SERHL2: variants seen among roughly 807,000 people sequenced by gnomAD.
SERHL2 encodes serine hydrolase like 2.
SERHL2 carries 29 observed loss-of-function variants against 25.5 expected under a neutral mutation model. The ratio of observed to expected loss-of-function variants is 1.14; its 90% CI spans 0.85 to 1.55. SERHL2 has a LOEUF of 1.55. Among genes scored for constraint, SERHL2 ranks in the 40% most tolerant of loss-of-function variants. The pLI, the probability that SERHL2 is intolerant of heterozygous loss-of-function variation, is 0.00. For synonymous variants in SERHL2, 95 were observed against 103.5 expected, an observed-to-expected ratio of 0.92 and a Z score of 0.50; for missense variants, 240 against 252.3, an observed-to-expected ratio of 0.95 and a Z score of 0.33.
intron 9 of SERHL2, among the ~76,000 whole-genome samples, chr22:42,568,942 T>C (rs1233303279): frequency 6.6e-6 from 1 of 151,314 alleles, no homozygotes; most frequent in Non-Finnish European, 1.5e-5. Flanking sequence ...AGTGCAGTGG[T>C]GGGATCTCAG....
At chr22:42,559,843 G>A (rs145674769) in intron 7 of SERHL2, among the ~76,000 whole-genome samples, 3 of 151,800 alleles carry the variant, frequency 2.0e-5, no homozygotes, top group African/African-American at 7.3e-5. Flanking sequence ...ACCAAATCTC[G>A]CTCTGTTCCC....
intron 10 of SERHL2, chr22:42,571,458 G>C: frequency 7.5e-7 from 1 of 1,332,640 alleles, no homozygotes; most frequent in Non-Finnish European, 9.6e-7. Context: ...CGGGGGGCAT[G>C]CCCAGGTAAG....
intron 9 of SERHL2, 85 bp from the exon 10 acceptor site, chr22:42,571,036 T>A: frequency 6.3e-7 from 1 of 1,597,864 alleles, no homozygotes; most frequent in South Asian, 1.1e-5. Flanking sequence ...CGCCAGGACT[T>A]AGCCACCCCA....
intron 10 of SERHL2, chr22:42,571,901 G>A (rs1321477757): frequency 7.3e-6 from 1 of 137,870 alleles, no homozygotes; most frequent in Non-Finnish European, 1.5e-5. Context: ...GACAAAGCCA[G>A]GTCATGGTTG....
At chr22:42,556,405 TC>T (rs1283881478) in intron 5 of SERHL2, 108 bp from the exon 6 acceptor site, 8 of 905,876 alleles carry the variant, frequency 8.8e-6, no homozygotes, top group South Asian at 1.7e-5. Flanking sequence ...GTCAGCACCC[TC>T]CCCCCAGCCT....
Position 42,566,053 on chromosome 22 carries a change from C to G in SERHL2, c.614-251C>G, listed in dbSNP as rs567294963. ...ATTAGCCTAAGCTCCCGCCCTCATT[C>G]TGCACCGGCCCTTTGGGGTGGCCGG... On this transcript the variant is annotated intron_variant, in intron 8 of 11. Coordinates refer to ENST00000327678, the MANE Select transcript of SERHL2 (RefSeq NM_014509.5). Among the ~76,000 whole-genome samples, 3 of 152,200 alleles carry G rather than the reference C, an allele frequency of 2.0e-5. No homozygotes were observed. The East Asian group carries it at 5.8e-4, about 29-fold the overall frequency.
intron 7 of SERHL2, 27 bp from the exon 8 acceptor site, chr22:42,560,159 A>C (rs1236584731): frequency 6.3e-7 from 1 of 1,579,820 alleles, no homozygotes; most frequent in Non-Finnish European, 8.7e-7. Flanking sequence ...GCCTCCAGGC[A>C]CCCAGCATCC....
chr22:42,560,168 C>T lies in SERHL2; in HGVS notation c.534-18C>T, dbSNP rs761010144. ...TTATTGGCCTCCAGGCACCCAGCAT[C>T]CTTCTGTCTCCCCCCAGGTTACTGA... On this transcript the variant is annotated intron_variant, in intron 7 of 11. Transcript: ENST00000327678. 1.6e-4 allele frequency: 262 copies of T among 1,600,142 alleles called. 11 individuals are homozygous for T. Among genetic ancestry groups the T allele is most frequent in the Non-Finnish European group, 3.8e-5 (44 of 1,167,708 alleles).
intron 10 of SERHL2, 62 bp downstream of exon 10, chr22:42,571,265 G>A (rs1335742753): frequency 5.7e-5 from 92 of 1,604,230 alleles, no homozygotes; most frequent in Admixed American, 2.5e-4. Flanking sequence ...AGGAATCTCC[G>A]GGAGGGGGCC....
rs1924681535 is a variant in SERHL2 at position 42,574,191 on chromosome 22, CAG to C, written c.*137_*138del. ...TTGAGGCCCAGCCTAGGATGGTAGTCAGGGGAAGGAGCGAGATTCCAACTTCA... is the reference window on the plus strand; with the variant it reads ...TTGAGGCCCAGCCTAGGATGGTAGTCGGGAAGGAGCGAGATTCCAACTTCA... On this transcript the variant is annotated 3_prime_UTR_variant, in exon 12 of 12. Coordinates refer to ENST00000327678, the MANE Select transcript of SERHL2 (RefSeq NM_014509.5). 1.3e-6 allele frequency: 1 copy of C among 742,260 alleles called. No homozygotes were observed. Among genetic ancestry groups the C allele is most frequent in the Non-Finnish European group, 2.2e-6 (1 of 444,522 alleles). 46.0% of individuals were successfully genotyped at this position (742,260 alleles called of 1,614,324 possible).
Position 42,553,990 on chromosome 22 carries a change from G to A in SERHL2, c.-31G>A. On this transcript the variant is annotated 5_prime_UTR_variant, in exon 1 of 12. The change creates a new upstream start codon in the 5' untranslated region. Transcript: ENST00000327678. ...CTGCGACCTAGCCAGGCGTGAGGGA[G>A]TGACAGCAGCGCATTCGCGGGACGA... 1 of 1,613,200 alleles carries A rather than the reference G, an allele frequency of 6.2e-7. No individual in the cohort carries two copies. The highest frequency in any genetic ancestry group is 8.5e-7 in the Non-Finnish European group (1 of 1,179,520).
At chr22:42,572,251 C>T (rs1460200439) in intron 10 of SERHL2, among the ~76,000 whole-genome samples, 185 bp from the exon 11 acceptor site, 3 of 152,090 alleles carry the variant, frequency 2.0e-5, no homozygotes, top group African/African-American at 4.8e-5. Context: ...CTTGTGCCAG[C>T]TGAGCATGAG....
chr22:42,568,698 C>A (rs747166305), intron 9 of SERHL2, among the ~76,000 whole-genome samples: 1 of 152,024 alleles, frequency 6.6e-6, no homozygotes, highest in Non-Finnish European at 1.5e-5. Context: ...TCTGCAGTTG[C>A]TCATGCCTGT....
intron 7 of SERHL2, among the ~76,000 whole-genome samples, chr22:42,559,230 A>G (rs1200561970): frequency 2.3e-5 from 1 of 43,030 alleles, no homozygotes; most frequent in Admixed American, 2.8e-4. Context: ...CCCTGTATTT[A>G]AAAAAAAAAA....
chr22:42,573,374 G>A (rs1267653779), intron 11 of SERHL2: 3 of 152,236 alleles, frequency 2.0e-5, no homozygotes, highest in Non-Finnish European at 4.4e-5. Flanking sequence ...CTCCCGAGTA[G>A]CTGGGACTAC....
In SERHL2 at chr22:42,569,365, TCTC is replaced by T. The variant is rs1406756574; in HGVS notation, c.649-1753_649-1751del. ...CTTCTGCCTCCCGGGTTCAAGCAAT[TCTC>T]CTGCCTCAGCCTCCTGAGTAGCTGG... On this transcript the variant is annotated intron_variant, in intron 9 of 11. Transcript: ENST00000327678. 5.9e-5 allele frequency: 9 copies of T among 151,622 alleles called. 1 individual carries two copies. Among genetic ancestry groups the T allele is most frequent in the Admixed American group, 4.6e-4 (7 of 15,216 alleles). The allele number at this position is 151,622 out of a possible 1,614,324, so 9.4% of individuals were successfully genotyped here.
At chr22:42,565,173 G>A (rs900266292) in intron 8 of SERHL2, 3 of 152,890 alleles carry the variant, frequency 2.0e-5, no homozygotes, top group Non-Finnish European at 4.4e-5. Flanking sequence ...TCCTCTATCG[G>A]GGATGGTCGT....
chr22:42,561,570 G>A (rs1601836414), intron 8 of SERHL2, among the ~76,000 whole-genome samples: 1 of 151,788 alleles, frequency 6.6e-6, no homozygotes, highest in Non-Finnish European at 1.5e-5. Context: ...GCTGGAGGCA[G>A]CCCACCCTGG....
At chr22:42,554,665 C>A in intron 1 of SERHL2, among the ~76,000 whole-genome samples, 1 of 151,800 alleles carries the variant, frequency 6.6e-6, no homozygotes, top group Non-Finnish European at 1.5e-5. Flanking sequence ...CCCGCCCCAG[C>A]ACATTCTAGA....
Sources: allele counts gnomAD v4.1 joint callset (sites outside exome capture counted in the v4.1 genomes callset), GRCh38; gene constraint gnomAD v4.1.1; transcripts MANE v1.5; gene names NCBI Gene and HGNC (gene_info 2026-07-23, HGNC 2026-07-21).